Variants in KIR3DL1 observed in about 807,000 individuals in gnomAD.
The protein encoded by KIR3DL1 is killer cell immunoglobulin like receptor, three Ig domains and long cytoplasmic tail 1, also known as killer cell immunoglobulin-like receptor 3DL1.
In KIR3DL1, 50 loss-of-function variants were observed where a neutral mutation model predicts 40.3. The observed-to-expected ratio is 1.24, with a 90% CI of 0.99 to 1.57. The LOEUF (loss-of-function observed/expected upper bound fraction) is 1.57. KIR3DL1 is among the 40% of genes most tolerant of loss of function. The pLI, the probability that KIR3DL1 is intolerant of heterozygous loss-of-function variation, is 0.00. For synonymous variants in KIR3DL1, 257 were observed against 207.2 expected, an observed-to-expected ratio of 1.24 and a Z score of -2.07; for missense variants, 661 against 559.9, an observed-to-expected ratio of 1.18 and a Z score of -1.82.
intron 6 of KIR3DL1, among the ~76,000 whole-genome samples, 181 bp downstream of exon 6, chr19:54,825,259 T>C (rs2061825030): frequency 6.6e-6 from 1 of 150,762 alleles, no homozygotes; most frequent in Non-Finnish European, 1.5e-5. Context: ...CAGCGAAGTC[T>C]CTTAACCTTT....
intron 6 of KIR3DL1, among the ~76,000 whole-genome samples, chr19:54,827,015 T>G (rs187203417): frequency 0.041 from 6,203 of 149,904 alleles, 83 homozygotes; most frequent in East Asian, 0.089. Flanking sequence ...GAGGCCCAGG[T>G]GCGTAACTGG....
chr19:54,830,655 T>A, exon 9 of KIR3DL1: 1 of 259,102 alleles, frequency 3.9e-6, no homozygotes, highest in Middle Eastern at 1.3e-3. Flanking sequence ...CTGTTCCACC[T>A]TCCCTCATGC....
chr19:54,825,473 G>T (rs1473268266), intron 6 of KIR3DL1, among the ~76,000 whole-genome samples: 1 of 149,110 alleles, frequency 6.7e-6, no homozygotes, highest in Non-Finnish European at 1.5e-5. Context: ...ATGAATTACT[G>T]TTGGTCATGA....
intron 5 of KIR3DL1, among the ~76,000 whole-genome samples, chr19:54,822,233 C>A (rs1169671582): frequency 1.3e-5 from 2 of 151,292 alleles, no homozygotes; most frequent in Non-Finnish European, 2.9e-5. Context: ...AACCCCTACA[C>A]CCTTTTCTTT....
chr19:54,826,807 G>A (rs1216214268), intron 6 of KIR3DL1, among the ~76,000 whole-genome samples: 2 of 151,200 alleles, frequency 1.3e-5, no homozygotes, highest in Non-Finnish European at 2.9e-5. Context: ...TGATGTGGAA[G>A]GAAGAGGCTC....
chr19:54,827,388 C>T (rs1419521647), intron 6 of KIR3DL1, among the ~76,000 whole-genome samples: 2 of 150,316 alleles, frequency 1.3e-5, no homozygotes, highest in Non-Finnish European at 2.9e-5. Context: ...GTCAGGAGTT[C>T]GAGACCAGCC....
intron 1 of KIR3DL1, 89 bp downstream of exon 1, chr19:54,816,623 G>T (rs1249980712): frequency 6.7e-6 from 10 of 1,483,356 alleles, no homozygotes; most frequent in Non-Finnish European, 7.4e-6. Context: ...GTGGAGTTAT[G>T]GGCCTAGAGG....
rs1209228980 is a variant in KIR3DL1, at chr19:54,818,345, G to A, written c.101G>A (p.Trp34Ter). 2 of 1,604,314 alleles carry A rather than the reference G, an allele frequency of 1.2e-6. No individual in the cohort carries two copies. Among genetic ancestry groups the A allele is most frequent in the Middle Eastern group, 1.7e-4 (1 of 6,038 alleles). Residue 34 changes from tryptophan to a stop codon, truncating the protein, a stop_gained, in exon 3 of 9, where the codon TGG becomes TAG. Coordinates refer to ENST00000391728, the Ensembl canonical transcript of KIR3DL1. LOFTEE classifies it high-confidence loss of function. ...CAGGACAAACCCTTCCTGTCTGCCT[G>A]GCCCAGCGCTGTGGTGCCTCGAGGA...
chr19:54,830,521 C>T, exon 9 of KIR3DL1: 1 of 524,568 alleles, frequency 1.9e-6, no homozygotes, highest in Non-Finnish European at 3.3e-6. Flanking sequence ...TTCACTTGAC[C>T]CCTGCCCACC....
chr19:54,828,968 A>T (rs2062056029), intron 6 of KIR3DL1, among the ~76,000 whole-genome samples: 1 of 141,126 alleles, frequency 7.1e-6, no homozygotes, highest in Admixed American at 7.3e-5. Context: ...GGAGCTTCCA[A>T]GCTCTTTTTA....
intron 6 of KIR3DL1, among the ~76,000 whole-genome samples, chr19:54,828,808 G>A (rs1410778508): frequency 1.5e-5 from 2 of 136,432 alleles, no homozygotes; most frequent in Non-Finnish European, 3.3e-5. Flanking sequence ...TCACCGTTCT[G>A]CAGGCTGTAC....
rs201375587 is a variant in KIR3DL1, at chr19:54,816,554, C to T, written c.34+20C>T. 12 of 1,584,660 alleles carry T rather than the reference C, an allele frequency of 7.6e-6. No individual in the cohort carries two copies. The highest frequency in any genetic ancestry group is 5.6e-5 in the South Asian group (5 of 89,256). On this transcript the variant is annotated intron_variant, in intron 1 of 8. Coordinates refer to ENST00000391728, the Ensembl canonical transcript of KIR3DL1. ...GTGTTGGTGAGTCCTGGAAGGGAAT[C>T]GAGGGAGGGAGTGCGGGGATGGAGA...
At chr19:54,827,330 T>G (rs28498203) in intron 6 of KIR3DL1, among the ~76,000 whole-genome samples, 7,442 of 133,494 alleles carry the variant, frequency 0.056, 439 homozygotes, top group East Asian at 0.11. Context: ...GGTGGCTCAC[T>G]CCTGTAACCC....
intron 5 of KIR3DL1, among the ~76,000 whole-genome samples, chr19:54,822,282 T>C (rs2061678998): frequency 6.6e-6 from 1 of 151,258 alleles, no homozygotes; most frequent in African/African-American, 2.4e-5. Context: ...AATGTAACTA[T>C]ATAATTTACC....
chr19:54,830,430 C>G, exon 9 of KIR3DL1: 1 of 949,508 alleles, frequency 1.1e-6, no homozygotes, highest in African/African-American at 1.6e-5. Context: ...TCTGGTGCCT[C>G]TCTCTTGCTT....
intron 5 of KIR3DL1, 36 bp from the exon 6 acceptor site, chr19:54,824,992 C>G (rs1358670341): frequency 7.0e-7 from 1 of 1,430,158 alleles, no homozygotes; most frequent in Non-Finnish European, 9.8e-7. Context: ...GACAAGCACC[C>G]TCATTTCCTC....
At chr19:54,826,522 G>A (rs35188903) in intron 6 of KIR3DL1, among the ~76,000 whole-genome samples, 28,962 of 121,782 alleles carry the variant, frequency 0.24, 91 homozygotes, top group Non-Finnish European at 0.28. Context: ...GTTTCACCAT[G>A]TTGGCCAAGC....
Position 54,829,990 on chromosome 19 carries a change from C to A in KIR3DL1, c.1158+10C>A, listed in dbSNP as rs777761569. ...AACAGCCAACAGCGAGGTAGGTGCT[C>A]CTCGGCCCAGCCTCGTGGCTAGTGT... is the stretch of plus-strand genomic sequence containing the variant. On this transcript the variant is annotated intron_variant, in intron 8 of 8. Transcript: ENST00000391728. 6.5e-7 allele frequency: 1 copy of A among 1,528,834 alleles called. No individual in the cohort carries two copies. Among genetic ancestry groups the A allele is most frequent in the Admixed American group, 1.8e-5 (1 of 55,938 alleles). The allele number at this position is 1,528,834 out of a possible 1,614,324, so 94.7% of individuals were successfully genotyped here.
In KIR3DL1 at chr19:54,827,907, C is replaced by A. The variant is rs143681483; in HGVS notation, c.1001-1454C>A. Among the ~76,000 whole-genome samples the A allele has an allele frequency of 3.4e-3, 505 of 150,308 alleles. 27 individuals carry two copies. The highest frequency in any genetic ancestry group is 0.012 in the African/African-American group (483 of 40,266). On this transcript the variant is annotated intron_variant, in intron 6 of 8. Transcript: ENST00000391728. The stretch of plus-strand genomic sequence containing the variant: ...CTCACCCAAATCCCCCATCTCACCC[C>A]TACTTCCAATCACCTGTGGAAATAC...
Sources: gnomAD v4.1 joint callset for allele counts (sites outside exome capture counted in the v4.1 genomes callset) on GRCh38, gnomAD v4.1.1 for gene constraint, MANE v1.5 for transcripts, NCBI Gene and HGNC (gene_info 2026-07-23, HGNC 2026-07-21) for gene names.